The following NACA variants were observed in gnomAD, a reference collection of about 807,000 sequenced individuals.
NACA encodes nascent polypeptide associated complex subunit alpha, also known as nascent polypeptide-associated complex subunit alpha.
A neutral mutation model predicts 86.4 loss-of-function variants in NACA; 42 were observed. The observed-to-expected ratio is 0.49, with a 90% CI of 0.38 to 0.63. NACA has a LOEUF of 0.63. Among genes scored for constraint, NACA ranks in the 20% least tolerant of loss-of-function variants. NACA has a pLI of 0.00. For synonymous variants in NACA, 898 were observed against 973.7 expected (o/e 0.92, Z 1.45); for missense variants, 2,157 against 2,483.6 (o/e 0.87, Z 2.80).
At position 56,719,359 on chromosome 12, in the gene NACA, A is replaced by C; in HGVS notation, c.2171T>G (p.Leu724Ter). 1 of 1,609,524 alleles carries C rather than the reference A, an allele frequency of 6.2e-7. No individual in the cohort carries two copies. Among genetic ancestry groups the C allele is most frequent in the Non-Finnish European group, 8.5e-7 (1 of 1,177,748 alleles). The part of the protein sequence containing the change: ...PQNTCAPLAT[L>*]VLAPEIPKSV... ...CTTTGGGATTTCAGGGGCCAGCACT[A>C]AGGTAGCCAGAGGAGCACAGGTATT... The change falls in exon 3 of 9, where the codon TTA (leucine) becomes TGA (stop). Residue 724 changes from leucine to a stop codon, truncating the protein, a stop_gained. Coordinates refer to ENST00000454682, the MANE Select transcript of NACA (RefSeq NM_001365896.1). LOFTEE classifies it high-confidence loss of function.
At position 56,714,346 on chromosome 12, in the gene NACA, C is replaced by T. The variant is rs776114193; in HGVS notation, c.5823+16G>A. On this transcript the variant is annotated intron_variant, in intron 5 of 8. Coordinates refer to ENST00000454682, the MANE Select transcript of NACA (RefSeq NM_001365896.1). Reference sequence around the variant, plus strand: ...AAGGTGCTTCATAAGATCCTGAAATCCTTTTCAAATCTTACCTTCCGTGCC... The same window carrying T: ...AAGGTGCTTCATAAGATCCTGAAATTCTTTTCAAATCTTACCTTCCGTGCC... 3 of 1,612,626 alleles carry T rather than the reference C, an allele frequency of 1.9e-6. No homozygotes were observed. The highest frequency in any genetic ancestry group is 2.5e-6 in the Non-Finnish European group (3 of 1,178,620).
intron 6 of NACA, 88 bp downstream of exon 6, chr12:56,713,449 T>G: frequency 1.3e-6 from 2 of 1,505,192 alleles, no homozygotes; most frequent in African/African-American, 1.4e-5. Context: ...AGCCCTTCCA[T>G]AACAGAGAAC....
At chr12:56,722,491 C>G (rs1430334175) in intron 2 of NACA, among the ~76,000 whole-genome samples, 2 of 152,112 alleles carry the variant, frequency 1.3e-5, no homozygotes, top group African/African-American at 4.8e-5. Flanking sequence ...AGTTCCAGAC[C>G]GACCTGACCA....
chr12:56,720,486 G>A lies in NACA; in HGVS notation c.1044C>T (p.Ala348=), dbSNP rs752337847. 12 of 1,613,782 alleles carry A rather than the reference G, an allele frequency of 7.4e-6. No individual in the cohort carries two copies. Among genetic ancestry groups the A allele is most frequent in the Non-Finnish European group, 1.0e-5 (12 of 1,179,768 alleles). The change falls in exon 3 of 9, where the codon GCC becomes GCT. Residue 348 remains alanine, a synonymous_variant. Transcript: ENST00000454682. ...TISVDHSSTG[A]SYPSQRSVIP... ...TTACAGATCTCTGAGAAGGATAAGA[G>A]GCCCCTGTGGAAGAATGATCTACAG...
chr12:56,720,029 G>T lies in NACA; in HGVS notation c.1501C>A (p.Leu501Met). The T allele has an allele frequency of 6.2e-7, 1 of 1,613,950 alleles. No homozygotes were observed. The highest frequency in any genetic ancestry group is 8.5e-7 in the Non-Finnish European group (1 of 1,179,858). The change falls in exon 3 of 9, where the codon CTG (leucine) becomes ATG (methionine). Residue 501 changes from leucine to methionine, a missense_variant. By Grantham distance (15) the Leu-to-Met change is conservative (BLOSUM62 2). Around this residue, in one of 8 missense-constraint regions of NACA, gnomAD observed 947 missense variants for 917.9 expected, o/e 1.03. Coordinates refer to ENST00000454682, the MANE Select transcript of NACA (RefSeq NM_001365896.1). ...KEPSTQVATT[L>M]RIPVSPPLPD... Reference sequence around the variant, plus strand: ...AGAGGAGGAGAGACTGGTATCCTCAGAGTGGTTGCTACTTGAGTAGAAGGC... The same window carrying T: ...AGAGGAGGAGAGACTGGTATCCTCATAGTGGTTGCTACTTGAGTAGAAGGC...
Position 56,713,199 on chromosome 12 carries a change from T to C in NACA, c.5971-9A>G, listed in dbSNP as rs771094961. ...TGGGATAAATCTTCGATCTACAGGG[T>C]AGAAAATACAGATCCATGTGAGTAG... On this transcript the variant is annotated splice_polypyrimidine_tract_variant and intron_variant, in intron 6 of 8. Transcript: ENST00000454682. 13 of 1,613,442 alleles carry C rather than the reference T, an allele frequency of 8.1e-6. No individual in the cohort carries two copies. The highest frequency in any genetic ancestry group is 1.1e-5 in the Non-Finnish European group (13 of 1,179,668).
intron 1 of NACA, 129 bp downstream of exon 1, chr12:56,725,134 G>A (rs886178395): frequency 6.6e-6 from 1 of 152,546 alleles, no homozygotes; most frequent in Non-Finnish European, 1.5e-5. Flanking sequence ...CGGAGGCCCA[G>A]GGGCGAGTAG....
At position 56,717,465 on chromosome 12, in the gene NACA, G is replaced by A; in HGVS notation, c.4065C>T (p.Ser1355=). 1 of 1,384,872 alleles carries A rather than the reference G, an allele frequency of 7.2e-7. No individual in the cohort carries two copies. The highest frequency in any genetic ancestry group is 9.6e-7 in the Non-Finnish European group (1 of 1,043,178). The allele number at this position is 1,384,872 out of a possible 1,614,324, so 85.8% of individuals were successfully genotyped here. Reference sequence around the variant, plus strand: ...ATGGAGTAGTTGGGCCTCCTTTAGAGGAGGGAGTTGTAGCTGGGAGAGTAG... The same window carrying A: ...ATGGAGTAGTTGGGCCTCCTTTAGAAGAGGGAGTTGTAGCTGGGAGAGTAG... ...GTPTLPATTP[S]SKGGPTTPSS... Residue 1355 remains serine, a synonymous_variant, in exon 3 of 9, where the codon TCC becomes TCT. Coordinates refer to ENST00000454682, the MANE Select transcript of NACA (RefSeq NM_001365896.1).
Position 56,722,437 on chromosome 12 carries a change from C to T in NACA, c.71-978G>A, listed in dbSNP as rs189220434. ...TGTAACAGTGGCTCATGCCTGTAATCCCAGCACTTCGGGATGCCTGGGAGG... is the reference window on the plus strand; with the variant it reads ...TGTAACAGTGGCTCATGCCTGTAATTCCAGCACTTCGGGATGCCTGGGAGG... On this transcript the variant is annotated intron_variant, in intron 2 of 8. Transcript: ENST00000454682. Among the ~76,000 whole-genome samples, 32 of 152,322 alleles carry T rather than the reference C, an allele frequency of 2.1e-4. 2 individuals are homozygous for T. The East Asian group carries it at 6.2e-3, about 29-fold the overall frequency.
In NACA at chr12:56,718,320, A is replaced by T. The variant is rs369375114; in HGVS notation, c.3210T>A (p.Gly1070=). 15 of 1,051,232 alleles carry T rather than the reference A, an allele frequency of 1.4e-5. No homozygotes were observed. The highest frequency in any genetic ancestry group is 1.7e-5 in the Non-Finnish European group (15 of 872,926). 65.1% of individuals were successfully genotyped at this position (1,051,232 alleles called of 1,614,324 possible). A position where few individuals can be genotyped will look rare whatever the true frequency, so the allele number is the denominator to read the frequency against. Residue 1070 remains glycine (G), a synonymous_variant, in exon 3 of 9, where the codon GGT becomes GGA. Coordinates refer to ENST00000454682, the MANE Select transcript of NACA (RefSeq NM_001365896.1). ...PAATLPSPKG[G]PATPSLKGAP... ...CCCCCTTGAGGGATGGGGTAGCTGG[A>T]CCTCCTTTTGGGGAGGGAAGAGTTG...
Position 56,721,163 on chromosome 12 carries a change from T to A in NACA, c.367A>T (p.Ile123Leu). Residue 123 changes from isoleucine to leucine, a missense_variant, in exon 3 of 9, where the codon ATA becomes TTA. Coordinates refer to ENST00000454682, the MANE Select transcript of NACA (RefSeq NM_001365896.1). ...PAALALASPM[I>L]APTLKGTPSS... ...GGGGTCCCTTTCAGAGTTGGAGCTA[T>A]CATGGGAGAGGCTAGAGCTAAGGCA... 6.2e-7 allele frequency: 1 copy of A among 1,613,802 alleles called. No homozygotes were observed. Among genetic ancestry groups the A allele is most frequent in the Non-Finnish European group, 8.5e-7 (1 of 1,179,838 alleles).
In NACA at chr12:56,712,453, C is replaced by A; in HGVS notation, c.*85G>T. The A allele has an allele frequency of 7.1e-7, 1 of 1,406,764 alleles. No individual in the cohort carries two copies. The highest frequency in any genetic ancestry group is 9.9e-7 in the Non-Finnish European group (1 of 1,009,852). 87.1% of individuals were successfully genotyped at this position (1,406,764 alleles called of 1,614,324 possible). On this transcript the variant is annotated 3_prime_UTR_variant, in exon 9 of 9. Transcript: ENST00000454682. Reference sequence around the variant, plus strand: ...GAATTCATCCAACAAGAAGCCATAACTTTATTTATGATAGAAACAGTACAA... The same window carrying A: ...GAATTCATCCAACAAGAAGCCATAAATTTATTTATGATAGAAACAGTACAA...
At position 56,718,471 on chromosome 12, in the gene NACA, T is replaced by C. The variant is rs369779499; in HGVS notation, c.3059A>G (p.Lys1020Arg). The C allele has an allele frequency of 2.0e-4, 215 of 1,073,086 alleles. No homozygotes were observed. In the African/African-American group the frequency reaches 3.3e-3, roughly 16 times the overall value. 66.5% of individuals were successfully genotyped at this position (1,073,086 alleles called of 1,614,324 possible). A position where few individuals can be genotyped will look rare whatever the true frequency, so the allele number is the denominator to read the frequency against. Residue 1020 changes from lysine (K) to arginine (R), a missense_variant, in exon 3 of 9, where the codon AAA becomes AGA. Lys to Arg is a conservative substitution (Grantham distance 26, BLOSUM62 2). This residue lies in a region of NACA where 124 missense variants were observed against 186.5 expected (regional missense o/e 0.66). Coordinates refer to ENST00000454682, the MANE Select transcript of NACA (RefSeq NM_001365896.1). ...GAATGGGGTAGCTGCTGGACTTCCT[T>C]TGGGGGAGGGAGGAGTCACAGCTGG... ...TPPAVTPPSP[K>R]GSPAATPFPK...
At chr12:56,713,387 G>C in intron 6 of NACA, 150 bp downstream of exon 6, 1 of 1,236,260 alleles carries the variant, frequency 8.1e-7, no homozygotes, top group Non-Finnish European at 1.1e-6. Context: ...AGGTCTCCCA[G>C]GAGATATATG....
chr12:56,720,707 C>T lies in NACA; in HGVS notation c.823G>A (p.Ala275Thr). ...AGAGACTGAGTTGAAAGAGATAAGGCAGCAGGTGGACTAACAGGCCCCTTC... is the reference window on the plus strand; with the variant it reads ...AGAGACTGAGTTGAAAGAGATAAGGTAGCAGGTGGACTAACAGGCCCCTTC... ...SLKGPVSPPA[A>T]LSLSTQSLPV... Residue 275 changes from alanine to threonine, a missense_variant, in exon 3 of 9, where the codon GCC (alanine) becomes ACC (threonine). Around this residue, in one of 8 missense-constraint regions of NACA, gnomAD observed 947 missense variants for 917.9 expected, o/e 1.03. Transcript: ENST00000454682. 1 of 1,613,924 alleles carries T rather than the reference C, an allele frequency of 6.2e-7. No individual in the cohort carries two copies. The highest frequency in any genetic ancestry group is 1.1e-5 in the South Asian group (1 of 91,080).
chr12:56,719,579 C>A lies in NACA; in HGVS notation c.1951G>T (p.Glu651Ter), dbSNP rs374836466. 4 of 1,613,786 alleles carry A rather than the reference C, an allele frequency of 2.5e-6. No homozygotes were observed. Among genetic ancestry groups the A allele is most frequent in the Non-Finnish European group, 3.4e-6 (4 of 1,179,872 alleles). The change falls in exon 3 of 9, where the codon GAA becomes TAA. Residue 651 changes from glutamate to a stop codon, truncating the protein, a stop_gained. Coordinates refer to ENST00000454682, the MANE Select transcript of NACA (RefSeq NM_001365896.1). LOFTEE classifies it high-confidence loss of function. ...ITPTVAAFPL[E>*]SADPAGVAPT... ...GCCACCCCGGCAGGGTCAGCACTTT[C>A]CAAAGGAAATGCAGCCACTGTTGGG...
At chr12:56,722,097 T>C (rs187602721) in intron 2 of NACA, among the ~76,000 whole-genome samples, 16 of 152,312 alleles carry the variant, frequency 1.1e-4, no homozygotes, top group African/African-American at 3.6e-4. Context: ...ACAGCACAAT[T>C]CAGTTCTTCC....
At chr12:56,724,566 A>T in intron 1 of NACA, 43 bp from the exon 2 acceptor site, 1 of 1,577,796 alleles carries the variant, frequency 6.3e-7, no homozygotes, top group Non-Finnish European at 8.6e-7. Context: ...TGATTGGGAT[A>T]CATTCACTTG....
At chr12:56,714,244 T>G in intron 5 of NACA, 118 bp downstream of exon 5, 1 of 1,002,728 alleles carries the variant, frequency 1.0e-6, no homozygotes, top group Non-Finnish European at 1.5e-6. Flanking sequence ...AAATCACCAC[T>G]AGAGAACTTA....
Sources: gnomAD v4.1 joint callset for allele counts (sites outside exome capture counted in the v4.1 genomes callset) on GRCh38, gnomAD v4.1.1 for gene constraint, gnomAD v4.1.1 regional missense constraint, MANE v1.5 for transcripts, NCBI Gene and HGNC (gene_info 2026-07-23, HGNC 2026-07-21) for gene names.